Variants in PGR observed in about 807,000 individuals in gnomAD.
PGR encodes progesterone receptor, also known as nuclear receptor subfamily 3 group C member 3.
Under a neutral mutation model 76.1 loss-of-function variants are expected in PGR, and 25 were observed. The ratio of observed to expected loss-of-function variants is 0.33; its 90% CI spans 0.24 to 0.46. The LOEUF (loss-of-function observed/expected upper bound fraction) is 0.46. Among genes scored for constraint, PGR ranks in the 20% least tolerant of loss-of-function variants. The pLI is 1.00. For synonymous variants in PGR, 579 were observed against 535.0 expected (o/e 1.08, Z -1.14); for missense variants, 1,172 against 1,225.3 (o/e 0.96, Z 0.65).
At chr11:101,064,866 C>A (rs902151623) in intron 3 of PGR, among the ~76,000 whole-genome samples, 1 of 152,154 alleles carries the variant, frequency 6.6e-6, no homozygotes, top group Non-Finnish European at 1.5e-5. Flanking sequence ...ACTGTACTGT[C>A]TCTATCTTTA....
At chr11:101,070,725 A>C (rs535807227) in intron 3 of PGR, among the ~76,000 whole-genome samples, 96 of 152,218 alleles carry the variant, frequency 6.3e-4, no homozygotes, top group Non-Finnish European at 1.2e-3. Context: ...CAAACTGGGC[A>C]GAGCCCACTG....
At chr11:101,096,334 G>A (rs1375660349) in intron 2 of PGR, among the ~76,000 whole-genome samples, 1 of 152,204 alleles carries the variant, frequency 6.6e-6, no homozygotes, top group Non-Finnish European at 1.5e-5. Context: ...ATTAAGTGAT[G>A]AGCCATCAAA....
chr11:101,103,128 G>T, intron 2 of PGR, among the ~76,000 whole-genome samples: 1 of 151,562 alleles, frequency 6.6e-6, no homozygotes, highest in South Asian at 2.1e-4. Context: ...GAGTAAAATG[G>T]CAGGAGAAAT....
chr11:101,071,409 T>G (rs1386479469), intron 3 of PGR, among the ~76,000 whole-genome samples: 1 of 152,042 alleles, frequency 6.6e-6, no homozygotes, highest in Admixed American at 6.6e-5. Context: ...AAAATCAGAA[T>G]GCCTCTTCTC....
intron 4 of PGR, among the ~76,000 whole-genome samples, chr11:101,054,395 A>C (rs1860216005): frequency 1.3e-5 from 2 of 152,200 alleles, no homozygotes; most frequent in Admixed American, 1.3e-4. Flanking sequence ...ACGTGTCTTC[A>C]AGTATAGGTC....
At chr11:101,125,916 A>C (rs1862826329) in intron 2 of PGR, 91 bp downstream of exon 2, 1 of 1,094,008 alleles carries the variant, frequency 9.1e-7, no homozygotes, top group Non-Finnish European at 1.4e-6. Context: ...ATTTCTTATA[A>C]GAAACAAGGA....
intron 1 of PGR, among the ~76,000 whole-genome samples, chr11:101,126,764 TA>T (rs902712197): frequency 1.3e-5 from 2 of 152,152 alleles, no homozygotes; most frequent in African/African-American, 2.4e-5. Context: ...AACCTGTATA[TA>T]AAAAAAATTG....
rs143150313 is a variant in PGR, at chr11:101,062,583, C to T, written c.2076G>A (p.Met692Ile). 6.2e-6 allele frequency: 10 copies of T among 1,613,858 alleles called. No individual in the cohort carries two copies. The highest frequency in any genetic ancestry group is 1.7e-5 in the Admixed American group (1 of 59,986). Residue 692 changes from methionine (M) to isoleucine (I), a missense_variant, in exon 4 of 8, where the codon ATG becomes ATA. This residue lies in a region of PGR where 166 missense variants were observed against 296.0 expected (regional missense o/e 0.56). Coordinates refer to ENST00000325455, the MANE Select transcript of PGR (RefSeq NM_000926.4). ...QLIPPLINLL[M>I]SIEPDVIYAG... ...CATAGATCACATCTGGTTCAATGCT[C>T]ATTAACAGGTTGATCAGTGGTGGAA...
intron 2 of PGR, among the ~76,000 whole-genome samples, chr11:101,097,602 A>T (rs1861872839): frequency 6.6e-6 from 1 of 152,216 alleles, no homozygotes; most frequent in Non-Finnish European, 1.5e-5. Context: ...ACTCAACAGT[A>T]TAAGACATAT....
At chr11:101,121,681 G>T (rs1485746141) in intron 2 of PGR, among the ~76,000 whole-genome samples, 18 of 152,126 alleles carry the variant, frequency 1.2e-4, no homozygotes, top group Admixed American at 1.0e-3. Context: ...TTAGTCATGT[G>T]TACACAAATA....
At chr11:101,078,463 AT>A (rs1240186903) in intron 3 of PGR, among the ~76,000 whole-genome samples, 1 of 152,144 alleles carries the variant, frequency 6.6e-6, no homozygotes, top group East Asian at 1.9e-4. Context: ...CATTTCAGAT[AT>A]TTTTTTGTGA....
intron 5 of PGR, 105 bp downstream of exon 5, chr11:101,051,319 T>C: frequency 1.3e-6 from 1 of 761,298 alleles, no homozygotes; most frequent in East Asian, 2.5e-5. Flanking sequence ...AGTAATGTCA[T>C]CATATCAAGA....
intron 3 of PGR, among the ~76,000 whole-genome samples, chr11:101,087,254 A>G (rs529250056): frequency 6.6e-6 from 1 of 152,300 alleles, no homozygotes; most frequent in South Asian, 2.1e-4. Context: ...ATGGAACAGA[A>G]TATAGAACCC....
intron 3 of PGR, among the ~76,000 whole-genome samples, chr11:101,078,098 C>CA (rs1202561635): frequency 1.3e-5 from 2 of 151,652 alleles, no homozygotes; most frequent in Admixed American, 1.3e-4. Flanking sequence ...GAGGAGAAAA[C>CA]AAAAAAACAA....
chr11:101,107,020 C>G (rs983509257), intron 2 of PGR, among the ~76,000 whole-genome samples: 1 of 152,068 alleles, frequency 6.6e-6, no homozygotes, highest in Non-Finnish European at 1.5e-5. Flanking sequence ...AATGAGAACA[C>G]ATGGACTTAG....
chr11:101,067,317 T>C (rs985453904), intron 3 of PGR, among the ~76,000 whole-genome samples: 7 of 152,108 alleles, frequency 4.6e-5, no homozygotes, highest in South Asian at 2.1e-4. Context: ...AGAATTCCTA[T>C]AAATCAGAAA....
chr11:101,042,446 T>C (rs1859722881), intron 6 of PGR, among the ~76,000 whole-genome samples: 1 of 152,180 alleles, frequency 6.6e-6, no homozygotes, highest in Admixed American at 6.6e-5. Context: ...TTTGACTTAG[T>C]TTACAGCTGC....
At chr11:101,043,834 G>T (rs564748439) in intron 6 of PGR, among the ~76,000 whole-genome samples, 1 of 152,268 alleles carries the variant, frequency 6.6e-6, no homozygotes, top group Admixed American at 6.5e-5. Flanking sequence ...TCAATAGTGG[G>T]TCAAAATATT....
intron 6 of PGR, among the ~76,000 whole-genome samples, chr11:101,049,244 G>A (rs1860003366): frequency 6.6e-6 from 1 of 151,984 alleles, no homozygotes; most frequent in African/African-American, 2.4e-5. Context: ...TAACACACAC[G>A]GAGTTGTCAT....
Sources: gnomAD v4.1 joint callset for allele counts (sites outside exome capture counted in the v4.1 genomes callset) on GRCh38, gnomAD v4.1.1 for gene constraint, gnomAD v4.1.1 regional missense constraint, MANE v1.5 for transcripts, NCBI Gene and HGNC (gene_info 2026-07-23, HGNC 2026-07-21) for gene names.